STX18: variants seen among roughly 807,000 people sequenced by gnomAD.
The protein encoded by STX18 is syntaxin 18.
A neutral mutation model predicts 50.1 loss-of-function variants in STX18; 40 were observed. That is an observed-to-expected ratio of 0.80 (90% confidence interval 0.62 to 1.04). The LOEUF (loss-of-function observed/expected upper bound fraction) is 1.04, where lower values mean the gene tolerates loss of function less well. STX18 is among the 50% of genes least tolerant of loss of function. The pLI is 0.00. For missense variants in STX18, 410 were observed against 415.8 expected (o/e 0.99, Z 0.12); for synonymous variants, 158 against 151.8 (o/e 1.04, Z -0.30).
At chr4:4,457,046 T>G (rs1727114515) in intron 5 of STX18, 145 bp downstream of exon 5, 3 of 710,780 alleles carry the variant, frequency 4.2e-6, no homozygotes, top group East Asian at 2.7e-5. Context: ...TGGCACACAG[T>G]GAGTGCCCGG....
In STX18 at chr4:4,455,145, T is replaced by C. The variant is rs1726997535; in HGVS notation, c.497+2046A>G. Among the ~76,000 whole-genome samples, 3 of 152,240 alleles carry C rather than the reference T, an allele frequency of 2.0e-5. No homozygotes were observed. In the South Asian group the frequency reaches 6.2e-4, roughly 32 times the overall value. ...GGTTGCAGAGTCTGGCTCTTAGGCA[T>C]TATACTATGCCACTTGATCGTACCA... On this transcript the variant is annotated intron_variant, in intron 5 of 10. Coordinates refer to ENST00000306200, the MANE Select transcript of STX18 (RefSeq NM_016930.4).
intron 1 of STX18, among the ~76,000 whole-genome samples, chr4:4,511,468 C>T (rs1730000202): frequency 6.6e-6 from 1 of 152,302 alleles, no homozygotes; most frequent in Middle Eastern, 3.4e-3. Flanking sequence ...TTAGGGAGGA[C>T]AGCATAATTT....
At chr4:4,438,162 C>T (rs1725890625) in intron 6 of STX18, among the ~76,000 whole-genome samples, 1 of 152,214 alleles carries the variant, frequency 6.6e-6, no homozygotes, top group African/African-American at 2.4e-5. Context: ...GGCCCTTTCT[C>T]CCGGACCCCG....
rs1387141925 is a variant in STX18 at position 4,460,179 on chromosome 4, G to GT, written c.237-693dup. The stretch of plus-strand genomic sequence containing the variant: ...TTGCCTGTCTCTCCCCTCTAAAAAC[G>GT]TAAGTTCCACAAAGGCAAGGACTTC... On this transcript the variant is annotated intron_variant, in intron 2 of 10. Transcript: ENST00000306200. 6.6e-5 allele frequency among the ~76,000 whole-genome samples: 10 copies of GT among 152,030 alleles called. No homozygotes were observed. In the South Asian group the frequency reaches 1.2e-3, roughly 19 times the overall value.
intron 1 of STX18, among the ~76,000 whole-genome samples, chr4:4,479,392 T>G (rs2108847071): frequency 6.6e-6 from 1 of 152,326 alleles, no homozygotes; most frequent in Non-Finnish European, 1.5e-5. Context: ...CTGTCCCATC[T>G]GAGTACAATT....
At chr4:4,536,653 G>A (rs1377363700) in intron 1 of STX18, among the ~76,000 whole-genome samples, 1 of 152,190 alleles carries the variant, frequency 6.6e-6, no homozygotes, top group African/African-American at 2.4e-5. Context: ...CAAAAGGAGG[G>A]GGAGAGGAGG....
intron 1 of STX18, among the ~76,000 whole-genome samples, chr4:4,477,183 T>C (rs1485295915): frequency 2.6e-5 from 4 of 152,144 alleles, no homozygotes; most frequent in East Asian, 1.9e-4. Flanking sequence ...GTGGAGGTTG[T>C]AGTGAGCCGA....
chr4:4,501,085 C>T (rs1729437075), intron 1 of STX18, among the ~76,000 whole-genome samples: 1 of 152,144 alleles, frequency 6.6e-6, no homozygotes, highest in African/African-American at 2.4e-5. Flanking sequence ...GTAACAATTT[C>T]TCTGTTGTTG....
At chr4:4,472,519 T>C (rs981582764) in intron 1 of STX18, among the ~76,000 whole-genome samples, 14 of 152,238 alleles carry the variant, frequency 9.2e-5, no homozygotes, top group African/African-American at 2.7e-4. Context: ...GGCCCCAGCC[T>C]TGCAAGGTCT....
At chr4:4,481,295 T>C (rs886776564) in intron 1 of STX18, among the ~76,000 whole-genome samples, 43 of 152,152 alleles carry the variant, frequency 2.8e-4, no homozygotes, top group African/African-American at 8.9e-4. Context: ...ATGATAGAAA[T>C]TCTGTTCTGC....
intron 1 of STX18, among the ~76,000 whole-genome samples, chr4:4,500,837 A>G (rs1310789409): frequency 1.3e-5 from 2 of 152,218 alleles, no homozygotes. Flanking sequence ...GGAGTTCAAG[A>G]CCAGGCTGAC....
At chr4:4,465,063 A>G (rs1014940026) in intron 2 of STX18, among the ~76,000 whole-genome samples, 2 of 152,048 alleles carry the variant, frequency 1.3e-5, no homozygotes, top group African/African-American at 4.8e-5. Flanking sequence ...TGATGTGGGC[A>G]TTTAGTGCTA....
At chr4:4,479,563 AC>A (rs563572325) in intron 1 of STX18, among the ~76,000 whole-genome samples, 356 of 152,268 alleles carry the variant, frequency 2.3e-3, no homozygotes, top group African/African-American at 8.4e-3. Flanking sequence ...CTAATACTTA[AC>A]CAAACAAGTT....
chr4:4,457,566 T>G (rs1727146502), intron 3 of STX18, 66 bp from the exon 4 acceptor site: 4 of 1,210,460 alleles, frequency 3.3e-6, no homozygotes, highest in Admixed American at 4.0e-5. Context: ...ATTCATCAGC[T>G]TCCTCACAAC....
chr4:4,437,933 C>G lies in STX18; in HGVS notation c.613+461G>C, dbSNP rs545954296. On this transcript the variant is annotated intron_variant, in intron 6 of 10. Coordinates refer to ENST00000306200, the MANE Select transcript of STX18 (RefSeq NM_016930.4). ...TTCTAAGCCATGGGCCCTCTAGTAT[C>G]TGTGGTGATAGGCAGCACGTCAATT... Among the ~76,000 whole-genome samples, 7 of 152,348 alleles carry G rather than the reference C, an allele frequency of 4.6e-5. No individual in the cohort carries two copies. The South Asian group carries it at 1.5e-3, about 32-fold the overall frequency.
chr4:4,439,563 C>G (rs1298205734), intron 5 of STX18, among the ~76,000 whole-genome samples: 1 of 129,764 alleles, frequency 7.7e-6, no homozygotes, highest in Admixed American at 8.9e-5. Context: ...CACATATATA[C>G]CCCCTACCCA....
intron 9 of STX18, among the ~76,000 whole-genome samples, chr4:4,421,640 G>T (rs962757366): frequency 1.3e-5 from 2 of 152,158 alleles, no homozygotes; most frequent in Non-Finnish European, 2.9e-5. Context: ...AAACCTAAGA[G>T]CTATTGTTTG....
rs116996835 is a variant in STX18 at position 4,492,320 on chromosome 4, T to A, written c.169-20614A>T. Among the ~76,000 whole-genome samples the A allele has an allele frequency of 1.5e-4, 23 of 152,280 alleles. 1 individual carries two copies. The East Asian group carries it at 4.2e-3, about 28-fold the overall frequency. ...TCCACAGAGTATAGGTGGTACTCTT[T>A]GTGATAAATGAATCACGCACATTTA... On this transcript the variant is annotated intron_variant, in intron 1 of 10. Coordinates refer to ENST00000306200, the MANE Select transcript of STX18 (RefSeq NM_016930.4).
intron 1 of STX18, among the ~76,000 whole-genome samples, chr4:4,508,718 C>G (rs1477338041): frequency 6.6e-6 from 1 of 152,150 alleles, no homozygotes; most frequent in Non-Finnish European, 1.5e-5. Flanking sequence ...CCCTAGTCCC[C>G]ACTTCGACAG....
Sources: gnomAD v4.1 joint callset for allele counts (sites outside exome capture counted in the v4.1 genomes callset) on GRCh38, gnomAD v4.1.1 for gene constraint, MANE v1.5 for transcripts, NCBI Gene and HGNC (gene_info 2026-07-23, HGNC 2026-07-21) for gene names.